Variants in SHISAL2A observed in about 807,000 individuals in gnomAD.
SHISAL2A encodes the protein protein shisa-like-2A.
In SHISAL2A, 18 loss-of-function variants were observed where a neutral mutation model predicts 11.5. The observed-to-expected ratio is 1.57, with a 90% confidence interval of 1.08 to 2.33. The LOEUF (loss-of-function observed/expected upper bound fraction) is 2.33, where lower values mean the gene tolerates loss of function less well. SHISAL2A is among the 30% of genes most tolerant of loss of function. The pLI is 0.00. For synonymous variants in SHISAL2A, 94 were observed against 99.6 expected, an observed-to-expected ratio of 0.94 and a Z score of 0.34; for missense variants, 261 against 250.9, an observed-to-expected ratio of 1.04 and a Z score of -0.27.
At chr1:52,656,683 T>G in intron 2 of SHISAL2A, 107 bp from the exon 3 acceptor site, 1 of 1,220,754 alleles carries the variant, frequency 8.2e-7, no homozygotes, top group South Asian at 1.5e-5. Flanking sequence ...CTTCTAAGGC[T>G]CTGACCACAG....
Position 52,642,964 on chromosome 1 carries a change from A to G in SHISAL2A, c.284A>G (p.His95Arg), listed in dbSNP as rs1474078428. The change falls in exon 2 of 3, where the codon CAC (histidine) becomes CGC (arginine). Residue 95 changes from histidine (H) to arginine (R), a missense_variant. Physicochemically the swap from His to Arg is conservative, Grantham distance 29 (BLOSUM62 0). Coordinates refer to ENST00000517870, the MANE Select transcript of SHISAL2A (RefSeq NM_001042693.3). ...TACCTGTTCATCAGCTCTAAGCCCC[A>G]CACAAAGTTGGACCTGGGCTTGAGC... ...LCYLFISSKP[H>R]TKLDLGLSLQ... is the part of the protein sequence containing the mutation. 1 of 1,614,034 alleles carries G rather than the reference A, an allele frequency of 6.2e-7. No homozygotes were observed. Among genetic ancestry groups the G allele is most frequent in the African/African-American group, 1.3e-5 (1 of 74,904 alleles).
chr1:52,653,903 C>A (rs533025205), intron 2 of SHISAL2A, among the ~76,000 whole-genome samples: 85 of 152,118 alleles, frequency 5.6e-4, no homozygotes, highest in Non-Finnish European at 1.1e-3. Flanking sequence ...GTCGTATTTT[C>A]TGTTCCATTT....
chr1:52,647,989 G>T (rs935355467), intron 2 of SHISAL2A, among the ~76,000 whole-genome samples: 1 of 150,066 alleles, frequency 6.7e-6, no homozygotes, highest in East Asian at 1.9e-4. Flanking sequence ...TATACTGCTG[G>T]TAAGAGTATG....
intron 2 of SHISAL2A, among the ~76,000 whole-genome samples, chr1:52,646,047 A>G (rs1444116424): frequency 2.0e-5 from 3 of 152,206 alleles, no homozygotes; most frequent in Non-Finnish European, 2.9e-5. Context: ...GACAAATAGA[A>G]TTGGGCAATG....
rs1491458216 is a variant in SHISAL2A at position 52,646,489 on chromosome 1, CTA to C, written c.322+3490_322+3491del. Reference sequence around the variant, plus strand: ...AAAGATATTATATTACATTAAATATCTATACACACACACACACACACACACAC... The same window carrying C: ...AAAGATATTATATTACATTAAATATCTACACACACACACACACACACACAC... On this transcript the variant is annotated intron_variant, in intron 2 of 2. Coordinates refer to ENST00000517870, the MANE Select transcript of SHISAL2A (RefSeq NM_001042693.3). Among the ~76,000 whole-genome samples the C allele has an allele frequency of 5.5e-3, 475 of 86,736 alleles. 5 individuals carry two copies. The highest frequency in any genetic ancestry group is 7.4e-3 in the Non-Finnish European group (312 of 42,288). The allele number at this position is 86,736 out of a possible 152,430, so 56.9% of individuals were successfully genotyped here.
Position 52,633,678 on chromosome 1 carries a change from A to T in SHISAL2A, c.182+3A>T. 1 of 1,601,350 alleles carries T rather than the reference A, an allele frequency of 6.2e-7. No homozygotes were observed. The highest frequency in any genetic ancestry group is 8.5e-7 in the Non-Finnish European group (1 of 1,174,102). ...CACAGCTACATGTGGTGGCTCAGGT[A>T]CCGTCCCTGGCCCTCACCCTACCTT... On this transcript the variant is annotated splice_donor_region_variant and intron_variant, in intron 1 of 2. Coordinates refer to ENST00000517870, the MANE Select transcript of SHISAL2A (RefSeq NM_001042693.3). This position sits in a 1 kb window ranked among gnomAD's most constrained non-coding sequence, Gnocchi z 6.4.
chr1:52,668,410 T>G (rs1386392084), intron 5 of SHISAL2A: 1 of 151,848 alleles, frequency 6.6e-6, no homozygotes, highest in Non-Finnish European at 1.5e-5. Context: ...CCTTCCAGCG[T>G]CAGCTTAGAG....
chr1:52,651,396 C>G (rs1037322276), intron 2 of SHISAL2A, among the ~76,000 whole-genome samples: 1 of 152,006 alleles, frequency 6.6e-6, no homozygotes, highest in Non-Finnish European at 1.5e-5. Flanking sequence ...GCCATCACGC[C>G]TGGCTAATAT....
At chr1:52,661,990 G>A (rs920742164), downstream of SHISAL2A, among the ~76,000 whole-genome samples, 7 of 151,508 alleles carry the variant, frequency 4.6e-5, no homozygotes, top group African/African-American at 7.3e-5. Flanking sequence ...CTGAGATTGC[G>A]CCACTGCACT....
At chr1:52,656,176 A>G (rs1397998992) in intron 2 of SHISAL2A, among the ~76,000 whole-genome samples, 1 of 152,260 alleles carries the variant, frequency 6.6e-6, no homozygotes, top group Non-Finnish European at 1.5e-5. Context: ...AATTTAAAAT[A>G]AATAAATAAT....
At position 52,642,887 on chromosome 1, in the gene SHISAL2A, C is replaced by T. The variant is rs747930373; in HGVS notation, c.207C>T (p.Ser69=). The change falls in exon 2 of 3, where the codon TCC becomes TCT. Residue 69 remains serine (S), a synonymous_variant. Transcript: ENST00000517870. The part of the protein sequence containing the change: ...WLSIGALIGL[S]VAAVVLLAFI... Reference sequence around the variant, plus strand: ...GCATTGGCGCTCTCATAGGCCTGTCCGTAGCAGCAGTGGTTCTTCTCGCCT... The same window carrying T: ...GCATTGGCGCTCTCATAGGCCTGTCTGTAGCAGCAGTGGTTCTTCTCGCCT... The T allele has an allele frequency of 7.8e-5, 126 of 1,613,512 alleles. No homozygotes were observed. The highest frequency in any genetic ancestry group is 9.8e-5 in the Non-Finnish European group (116 of 1,180,002).
intron 1 of SHISAL2A, among the ~76,000 whole-genome samples, chr1:52,641,372 A>G (rs12084668): frequency 0.011 from 1,736 of 152,140 alleles, 31 homozygotes; most frequent in African/African-American, 0.04. Context: ...AGCTGACACT[A>G]TTTGCCTAGA....
downstream of SHISAL2A, among the ~76,000 whole-genome samples, chr1:52,659,043 T>TGGTGGTG (rs59167012): frequency 1.0e-5 from 1 of 96,152 alleles, no homozygotes; most frequent in African/African-American, 3.3e-5. Context: ...GTGGTGGTGG[T>TGGTGGTG]GTGTGTGTGT....
intron 4 of SHISAL2A, among the ~76,000 whole-genome samples, chr1:52,662,932 T>G (rs1691936106): frequency 6.6e-6 from 1 of 152,194 alleles, no homozygotes; most frequent in South Asian, 2.1e-4. Flanking sequence ...AATCACTACT[T>G]GTCCAGCACA....
At chr1:52,657,197 C>A, downstream of SHISAL2A, 1 of 1,039,106 alleles carries the variant, frequency 9.6e-7, no homozygotes, top group Non-Finnish European at 1.4e-6. Context: ...TTCTGCTTGG[C>A]CTATTGTGGG....
intron 4 of SHISAL2A, among the ~76,000 whole-genome samples, chr1:52,666,045 CTCAAGAGAATATCCCAGCCCT>C (rs1692004642): frequency 6.6e-6 from 1 of 152,204 alleles, no homozygotes; most frequent in African/African-American, 2.4e-5. Flanking sequence ...TCCTCTCTGT[CTCAAGAGAATATCCCAGCCCT>C]TCTGGCCTCA....
At chr1:52,637,267 C>G (rs1286883416) in intron 1 of SHISAL2A, among the ~76,000 whole-genome samples, 4 of 152,156 alleles carry the variant, frequency 2.6e-5, no homozygotes, top group Non-Finnish European at 5.9e-5. Context: ...ACTGAAAGTC[C>G]TCAGGATGTC....
At chr1:52,634,138 T>TGGG (rs1691192179) in intron 1 of SHISAL2A, among the ~76,000 whole-genome samples, 1 of 152,090 alleles carries the variant, frequency 6.6e-6, no homozygotes, top group African/African-American at 2.4e-5. Context: ...GACCTTATTC[T>TGGG]ATCACCAGCC....
chr1:52,633,949 A>G lies in SHISAL2A; in HGVS notation c.182+274A>G, dbSNP rs918072513. The stretch of plus-strand genomic sequence containing the variant: ...CTATCCCCACCCCAAACTTCATTCC[A>G]TCACCACCCTCATCCCAACCCCAAA... On this transcript the variant is annotated intron_variant, in intron 1 of 2. Coordinates refer to ENST00000517870, the MANE Select transcript of SHISAL2A (RefSeq NM_001042693.3). The surrounding 1 kb of genome is among the most constrained non-coding windows in gnomAD (Gnocchi z 6.4). Among the ~76,000 whole-genome samples, 1 of 150,634 alleles carries G rather than the reference A, an allele frequency of 6.6e-6. No individual in the cohort carries two copies. The highest frequency in any genetic ancestry group is 1.5e-5 in the Non-Finnish European group (1 of 67,700).
Sources: allele counts gnomAD v4.1 joint callset (sites outside exome capture counted in the v4.1 genomes callset), GRCh38; gene constraint gnomAD v4.1.1; non-coding constraint Gnocchi (gnomAD v3.1); transcripts MANE v1.5; gene names NCBI Gene and HGNC (gene_info 2026-07-23, HGNC 2026-07-21).